The following SMAD1 variants were observed in gnomAD, a reference collection of about 807,000 sequenced individuals.
SMAD1 encodes MAD, mothers against decapentaplegic homolog 1.
In SMAD1, 6 loss-of-function variants were observed where a neutral mutation model predicts 41.6. The observed-to-expected ratio is 0.14, with a 90% CI of 0.08 to 0.28. SMAD1 has a LOEUF of 0.28. Ranked by LOEUF, SMAD1 falls within the 10% of genes least tolerant of loss-of-function variation. SMAD1 has a pLI of 1.00. For synonymous variants in SMAD1, 206 were observed against 203.2 expected (o/e 1.01, Z -0.12); for missense variants, 379 against 582.6 (o/e 0.65, Z 3.60).
rs1016282683 is a variant in SMAD1 at position 145,482,493 on chromosome 4, C to A, written c.-177+455C>A. ...CGCGTGGCCCGCGGACCCATTGTGT[C>A]CCCCGCGCCGGCGGGGCGACCCCTG... On this transcript the variant is annotated intron_variant, in intron 1 of 6. Transcript: ENST00000302085. This position sits in a 1 kb window ranked among gnomAD's most constrained non-coding sequence, Gnocchi z 4.2. 7 of 151,962 alleles carry A rather than the reference C, an allele frequency of 4.6e-5. No individual in the cohort carries two copies. The highest frequency in any genetic ancestry group is 1.0e-4 in the Non-Finnish European group (7 of 68,008). The allele number at this position is 151,962 out of a possible 1,614,324, so 9.4% of individuals were successfully genotyped here. A position where few individuals can be genotyped will look rare whatever the true frequency, so the allele number is the denominator to read the frequency against.
chr4:145,504,989 C>T (rs1304511727), intron 1 of SMAD1, among the ~76,000 whole-genome samples: 2 of 152,146 alleles, frequency 1.3e-5, no homozygotes, highest in Non-Finnish European at 2.9e-5. Flanking sequence ...TTTAACCCTA[C>T]GTCTTTAGTG....
chr4:145,528,110 T>TA (rs1442814337), intron 2 of SMAD1, among the ~76,000 whole-genome samples: 3 of 151,262 alleles, frequency 2.0e-5, no homozygotes, highest in Admixed American at 2.0e-4. Context: ...CACATATATT[T>TA]TTTTTTTTTT....
At chr4:145,552,949 G>T (rs902614687) in intron 5 of SMAD1, among the ~76,000 whole-genome samples, 1 of 152,078 alleles carries the variant, frequency 6.6e-6, no homozygotes, top group Non-Finnish European at 1.5e-5. Context: ...CTGTCACCCA[G>T]TCTGGAGTGC....
chr4:145,527,227 C>A (rs958685701), intron 2 of SMAD1, among the ~76,000 whole-genome samples: 33 of 143,552 alleles, frequency 2.3e-4, no homozygotes, highest in Middle Eastern at 3.2e-3. Context: ...TCATTTAATT[C>A]TTTTTTTTTT....
intron 1 of SMAD1, chr4:145,498,161 A>G (rs994331595): frequency 6.6e-6 from 1 of 152,236 alleles, no homozygotes; most frequent in Non-Finnish European, 1.5e-5. Flanking sequence ...GCATTGAAAA[A>G]TTTGATGGAT....
chr4:145,512,257 G>A (rs1360623255), intron 1 of SMAD1, among the ~76,000 whole-genome samples: 1 of 152,172 alleles, frequency 6.6e-6, no homozygotes, highest in East Asian at 1.9e-4. Flanking sequence ...GGAAGGTGTA[G>A]GGCTTCGTGA....
chr4:145,527,267 A>AG (rs1731066372), intron 2 of SMAD1, among the ~76,000 whole-genome samples: 1 of 148,502 alleles, frequency 6.7e-6, no homozygotes, highest in African/African-American at 2.5e-5. Context: ...TCTGTCGCCC[A>AG]GGCTGGAGTG....
intron 2 of SMAD1, among the ~76,000 whole-genome samples, chr4:145,533,186 A>G (rs1731417788): frequency 2.0e-5 from 3 of 151,526 alleles, no homozygotes; most frequent in Admixed American, 1.3e-4. Flanking sequence ...CCACATTAAT[A>G]CTTCTTTCTA....
At chr4:145,525,319 T>C (rs1730969237) in intron 2 of SMAD1, among the ~76,000 whole-genome samples, 1 of 152,206 alleles carries the variant, frequency 6.6e-6, no homozygotes, top group African/African-American at 2.4e-5. Flanking sequence ...ATTAGCCAGA[T>C]CATCAAACCT....
rs530646953 is a variant in SMAD1, at chr4:145,554,053, C to G, written c.1254+13C>G. 2 of 1,604,732 alleles carry G rather than the reference C, an allele frequency of 1.2e-6. No individual in the cohort carries two copies. Among genetic ancestry groups the G allele is most frequent in the Non-Finnish European group, 1.7e-6 (2 of 1,174,208 alleles). Reference sequence around the variant, plus strand: ...GAGCTTTGTGAAGGTAAGTGAGCTCCGACTCCTCCATTTAGGGCCTAACAT... The same window carrying G: ...GAGCTTTGTGAAGGTAAGTGAGCTCGGACTCCTCCATTTAGGGCCTAACAT... On this transcript the variant is annotated intron_variant, in intron 6 of 6. Coordinates refer to ENST00000302085, the MANE Select transcript of SMAD1 (RefSeq NM_005900.3).
upstream of SMAD1, among the ~76,000 whole-genome samples, chr4:145,480,841 C>A (rs1475520862): frequency 6.6e-6 from 1 of 151,324 alleles, no homozygotes; most frequent in East Asian, 1.9e-4. Flanking sequence ...ACGAATTGAC[C>A]AGTAAGTGCT....
upstream of SMAD1, chr4:145,481,234 T>C (rs1317318077): frequency 6.6e-6 from 1 of 152,148 alleles, no homozygotes; most frequent in African/African-American, 2.4e-5. Flanking sequence ...AATCACTGGA[T>C]CCTGAGTTGA....
chr4:145,553,688 T>C (rs1732681731), intron 5 of SMAD1, 96 bp from the exon 6 acceptor site: 1 of 1,136,948 alleles, frequency 8.8e-7, no homozygotes, highest in Non-Finnish European at 1.3e-6. Context: ...AAAGTTTAAA[T>C]CCATGTATAT....
At chr4:145,529,876 A>C (rs1200284217) in intron 2 of SMAD1, among the ~76,000 whole-genome samples, 10 of 152,194 alleles carry the variant, frequency 6.6e-5, no homozygotes, top group Admixed American at 6.5e-4. Flanking sequence ...AGAATTGCTG[A>C]AGGTTTTGAC....
chr4:145,531,889 A>G (rs1731338716), intron 2 of SMAD1, among the ~76,000 whole-genome samples: 1 of 152,144 alleles, frequency 6.6e-6, no homozygotes, highest in East Asian at 1.9e-4. Flanking sequence ...GCGTGTTTAA[A>G]AAAGAAAAAA....
intron 4 of SMAD1, among the ~76,000 whole-genome samples, chr4:145,543,085 G>C (rs373379336): frequency 6.6e-6 from 1 of 152,066 alleles, no homozygotes; most frequent in Non-Finnish European, 1.5e-5. Flanking sequence ...TCCTGCCTCA[G>C]CCTCCTGAGT....
At position 145,482,228 on chromosome 4, in the gene SMAD1, C is replaced by A. The variant is rs1728220960; in HGVS notation, c.-177+190C>A. ...TCTGCGCGGGGCGGGCCGCGACCCC[C>A]CCCCCCCATGATGGCGCCTCCCGTC... On this transcript the variant is annotated intron_variant, in intron 1 of 6. Transcript: ENST00000302085. This position sits in a 1 kb window ranked among gnomAD's most constrained non-coding sequence, Gnocchi z 4.2. 3.3e-5 allele frequency among the ~76,000 whole-genome samples: 5 copies of A among 149,986 alleles called. No homozygotes were observed. Among genetic ancestry groups the A allele is most frequent in the Admixed American group, 3.3e-4 (5 of 15,164 alleles).
chr4:145,486,410 C>T (rs975873702), intron 1 of SMAD1, among the ~76,000 whole-genome samples: 4 of 152,204 alleles, frequency 2.6e-5, no homozygotes, highest in African/African-American at 9.6e-5. Flanking sequence ...ATTAGTCTAT[C>T]TTCCCTGAGC....
rs1732963987 is a variant in SMAD1 at position 145,558,402 on chromosome 4, A to C, written c.*468A>C. Among the ~76,000 whole-genome samples, 1 of 152,160 alleles carries C rather than the reference A, an allele frequency of 6.6e-6. No individual in the cohort carries two copies. Among genetic ancestry groups the C allele is most frequent in the African/African-American group, 2.4e-5 (1 of 41,432 alleles). On this transcript the variant is annotated 3_prime_UTR_variant, in exon 7 of 7. Coordinates refer to ENST00000302085, the MANE Select transcript of SMAD1 (RefSeq NM_005900.3). ...TGGGTTTTCATAATATTTTAAAACT[A>C]TTTGTTTAGCGATGGTTTTGTTCGT...
Sources: allele counts gnomAD v4.1 joint callset (sites outside exome capture counted in the v4.1 genomes callset), GRCh38; gene constraint gnomAD v4.1.1; non-coding constraint Gnocchi (gnomAD v3.1); transcripts MANE v1.5; gene names NCBI Gene and HGNC (gene_info 2026-07-23, HGNC 2026-07-21).